Variants in SAXO1 observed in about 807,000 individuals in gnomAD.
The protein encoded by SAXO1 is stabilizer of axonemal microtubules 1.
In SAXO1, 21 loss-of-function variants were observed where a neutral mutation model predicts 17.5. The ratio of observed to expected loss-of-function variants is 1.20; its 90% CI spans 0.85 to 1.72. The LOEUF (loss-of-function observed/expected upper bound fraction) is 1.72, where lower values mean the gene tolerates loss of function less well. Among genes scored for constraint, SAXO1 ranks in the 40% most tolerant of loss-of-function variants. The pLI is 0.00. For missense variants in SAXO1, 843 were observed against 596.0 expected, an observed-to-expected ratio of 1.41 and a Z score of -4.32; for synonymous variants, 274 against 216.5, an observed-to-expected ratio of 1.27 and a Z score of -2.33.
intron 1 of SAXO1, among the ~76,000 whole-genome samples, chr9:19,008,908 GA>G (rs1450485173): frequency 1.3e-5 from 2 of 152,190 alleles, no homozygotes; most frequent in African/African-American, 4.8e-5. Flanking sequence ...TCAGCGAGGG[GA>G]AAGCTGATCA....
chr9:19,027,650 G>C (rs17236531), intron 1 of SAXO1: 3 of 1,389,798 alleles, frequency 2.2e-6, no homozygotes, highest in Non-Finnish European at 3.1e-6. Flanking sequence ...GGATGCCTTC[G>C]CCCTGGCCAA....
chr9:18,995,487 T>C (rs1379610598), intron 1 of SAXO1, among the ~76,000 whole-genome samples: 1 of 152,146 alleles, frequency 6.6e-6, no homozygotes, highest in African/African-American at 2.4e-5. Flanking sequence ...GCCCTGCTCC[T>C]CTCCCACTAA....
intron 1 of SAXO1, among the ~76,000 whole-genome samples, chr9:18,971,335 A>G (rs1832934053): frequency 1.3e-5 from 2 of 152,170 alleles, no homozygotes; most frequent in Non-Finnish European, 2.9e-5. Context: ...ATTCCAACAG[A>G]TAACCAAAAT....
At chr9:19,025,958 C>T (rs769188090) in intron 1 of SAXO1, among the ~76,000 whole-genome samples, 29 of 151,864 alleles carry the variant, frequency 1.9e-4, no homozygotes, top group Non-Finnish European at 3.7e-4. Flanking sequence ...AAAAATGGCC[C>T]ATTGTGGGAG....
upstream of SAXO1, among the ~76,000 whole-genome samples, chr9:19,034,991 T>C (rs751026372): frequency 6.6e-6 from 1 of 152,138 alleles, no homozygotes; most frequent in Non-Finnish European, 1.5e-5. Flanking sequence ...ATGCCCTCAA[T>C]AGAGGGTAGA....
intron 1 of SAXO1, among the ~76,000 whole-genome samples, chr9:19,040,884 C>A (rs976619458): frequency 6.6e-6 from 1 of 150,760 alleles, no homozygotes; most frequent in African/African-American, 2.4e-5. Flanking sequence ...TATATACTTA[C>A]GTACAATAAA....
intron 1 of SAXO1, among the ~76,000 whole-genome samples, chr9:18,978,594 C>G (rs941439014): frequency 3.3e-5 from 5 of 152,228 alleles, no homozygotes; most frequent in African/African-American, 1.2e-4. Context: ...TGCAGCTGCA[C>G]TCGCAGATGC....
At position 19,027,226 on chromosome 9, in the gene SAXO1, C is replaced by A. The variant is rs556274599; in HGVS notation, c.38+5645G>T. 3.1e-5 allele frequency: 36 copies of A among 1,161,690 alleles called. No individual in the cohort carries two copies. In the African/African-American group the frequency reaches 5.3e-4, roughly 17 times the overall value. 72.0% of individuals were successfully genotyped at this position (1,161,690 alleles called of 1,614,324 possible). ...AAGTGTGCTGTGATCAAAACCTCTA[C>A]ACGACAGACATACTTCCTACCTGTG... On this transcript the variant is annotated intron_variant, in intron 1 of 3. Transcript: ENST00000380534.
At position 18,951,329 on chromosome 9, in the gene SAXO1, T is replaced by G. The variant is rs1421704328; in HGVS notation, c.39-392A>C. Among the ~76,000 whole-genome samples, 3 of 152,184 alleles carry G rather than the reference T, an allele frequency of 2.0e-5. No homozygotes were observed. The East Asian group carries it at 5.8e-4, about 29-fold the overall frequency. On this transcript the variant is annotated intron_variant, in intron 1 of 3. Coordinates refer to ENST00000380534, the MANE Select transcript of SAXO1 (RefSeq NM_153707.4). The stretch of plus-strand genomic sequence containing the variant: ...AGCCCAGGAATTCAGGGCTTACTAC[T>G]GACCTAACAGGGTGCTCCAAGGCTC...
chr9:18,977,690 T>G (rs1316637067), intron 1 of SAXO1, among the ~76,000 whole-genome samples: 1 of 152,156 alleles, frequency 6.6e-6, no homozygotes, highest in Non-Finnish European at 1.5e-5. Context: ...TATACACATT[T>G]TCCTCAAAGA....
intron 1 of SAXO1, among the ~76,000 whole-genome samples, chr9:19,011,937 C>T (rs1834753339): frequency 6.6e-6 from 1 of 151,724 alleles, no homozygotes; most frequent in Non-Finnish European, 1.5e-5. Context: ...CCTCTGCCTC[C>T]CAGGTTCAAG....
intron 3 of SAXO1, among the ~76,000 whole-genome samples, chr9:18,929,970 G>A (rs532251071): frequency 4.9e-4 from 74 of 152,318 alleles, no homozygotes; most frequent in African/African-American, 1.5e-3. Context: ...CCTTTGTGAT[G>A]GGTATGATTC....
rs372838262 is a variant in SAXO1, at chr9:18,928,305, G to A, written c.1172C>T (p.Pro391Leu). The A allele has an allele frequency of 2.5e-6, 4 of 1,613,324 alleles. No homozygotes were observed. Among genetic ancestry groups the A allele is most frequent in the Non-Finnish European group, 3.4e-6 (4 of 1,179,564 alleles). Reference protein sequence around the residue: ...HLPINTKSCKPHWSGPRGNVP... With the variant: ...HLPINTKSCKLHWSGPRGNVP... ...ATTTCCTCGAGGGCCAGACCAATGAGGCTTACAGCTTTTGGTATTGATAGG... is the reference window on the plus strand; with the variant it reads ...ATTTCCTCGAGGGCCAGACCAATGAAGCTTACAGCTTTTGGTATTGATAGG... The change falls in exon 4 of 4, where the codon CCT becomes CTT. Residue 391 changes from proline to leucine, a missense_variant. Physicochemically the swap from Pro to Leu is moderately conservative, Grantham distance 98. Transcript: ENST00000380534.
At chr9:18,993,353 T>C (rs1833885194) in intron 1 of SAXO1, among the ~76,000 whole-genome samples, 1 of 140,466 alleles carries the variant, frequency 7.1e-6, no homozygotes, top group African/African-American at 2.6e-5. Context: ...TATTAAACAA[T>C]TACCTCTCAC....
Position 19,019,663 on chromosome 9 carries a change from G to T in SAXO1, c.38+13208C>A, listed in dbSNP as rs148928906. On this transcript the variant is annotated intron_variant, in intron 1 of 3. Transcript: ENST00000380534. ...AGAAATCACTTGAGCCAGGGAGGCA[G>T]AGGTTGCAATGAGCCCAGACGGCAC... Among the ~76,000 whole-genome samples the T allele has an allele frequency of 6.6e-5, 10 of 152,270 alleles. No homozygotes were observed. In the South Asian group the frequency reaches 8.3e-4, roughly 13 times the overall value.
At chr9:19,017,160 C>T (rs1357283016) in intron 1 of SAXO1, among the ~76,000 whole-genome samples, 1 of 150,798 alleles carries the variant, frequency 6.6e-6, no homozygotes, top group South Asian at 2.1e-4. Context: ...AGGCAAAGGG[C>T]AAAGGCAGAA....
At chr9:19,045,286 C>T (rs1247041218) in intron 1 of SAXO1, among the ~76,000 whole-genome samples, 2 of 130,896 alleles carry the variant, frequency 1.5e-5, no homozygotes, top group South Asian at 2.5e-4. Flanking sequence ...GTCCGCAGTC[C>T]GGCCTGGGCG....
At chr9:18,986,394 A>G (rs1406857007) in intron 1 of SAXO1, among the ~76,000 whole-genome samples, 1 of 152,240 alleles carries the variant, frequency 6.6e-6, no homozygotes, top group Non-Finnish European at 1.5e-5. Context: ...TAGTAAAATC[A>G]AACTATTTTA....
chr9:18,954,758 A>G (rs1832185608), intron 1 of SAXO1, among the ~76,000 whole-genome samples: 1 of 152,194 alleles, frequency 6.6e-6, no homozygotes, highest in Non-Finnish European at 1.5e-5. Context: ...AGTCATAGAC[A>G]TAGGATAGGC....
Sources: allele counts gnomAD v4.1 joint callset (sites outside exome capture counted in the v4.1 genomes callset), GRCh38; gene constraint gnomAD v4.1.1; transcripts MANE v1.5; gene names NCBI Gene and HGNC (gene_info 2026-07-23, HGNC 2026-07-21).